Variants in AP4M1 observed in about 807,000 individuals in gnomAD.
The protein encoded by AP4M1 is AP-4 complex subunit mu-1.
A neutral mutation model predicts 62.4 loss-of-function variants in AP4M1; 58 were observed. That is an observed-to-expected ratio of 0.93 (90% confidence interval 0.75 to 1.16). The LOEUF is 1.16. Ranked by LOEUF, AP4M1 falls within the 50% of genes most tolerant of loss-of-function variation. The probability of loss-of-function intolerance (pLI) is 0.00; values close to 1 mark genes in which losing one functional copy is unlikely to be tolerated. For missense variants in AP4M1, 626 were observed against 585.4 expected, an observed-to-expected ratio of 1.07 and a Z score of -0.72; for synonymous variants, 290 against 239.7, an observed-to-expected ratio of 1.21 and a Z score of -1.94.
At chr7:100,104,977 A>AG in intron 8 of AP4M1, 37 bp downstream of exon 8, 5 of 1,612,958 alleles carry the variant, frequency 3.1e-6, no homozygotes, top group Non-Finnish European at 4.2e-6. Flanking sequence ...GGTTGGGGTT[A>AG]GGGCGGGTTC....
Position 100,107,504 on chromosome 7 carries a change from G to A in AP4M1, c.*622G>A. ...CAGGACCAGAGGGAGCAGTGCTGGGGGGTGCGGTGGTGGCGGTGGAGACCA... is the reference window on the plus strand; with the variant it reads ...CAGGACCAGAGGGAGCAGTGCTGGGAGGTGCGGTGGTGGCGGTGGAGACCA... On this transcript the variant is annotated 3_prime_UTR_variant, in exon 15 of 15. Coordinates refer to ENST00000359593, the MANE Select transcript of AP4M1 (RefSeq NM_004722.4). 6.2e-7 allele frequency: 1 copy of A among 1,614,152 alleles called. No individual in the cohort carries two copies.
At chr7:100,103,026 A>G in intron 4 of AP4M1, 66 bp downstream of exon 4, 1 of 1,297,106 alleles carries the variant, frequency 7.7e-7, no homozygotes, top group Non-Finnish European at 1.1e-6. Flanking sequence ...CTGCTCTTCT[A>G]CTGTGGGATG....
upstream of AP4M1, chr7:100,101,268 C>T (rs1236877997): frequency 6.2e-7 from 1 of 1,613,182 alleles, no homozygotes; most frequent in African/African-American, 1.3e-5. Context: ...CCGTACCCTT[C>T]TCTAGCGCGT....
Position 100,104,910 on chromosome 7 carries a change from C to A in AP4M1, c.643C>A (p.Arg215=), listed in dbSNP as rs146445385. 6.2e-7 allele frequency: 1 copy of A among 1,614,166 alleles called. No individual in the cohort carries two copies. The highest frequency in any genetic ancestry group is 1.1e-5 in the South Asian group (1 of 91,068). Residue 215 remains arginine (R), a synonymous_variant, in exon 8 of 15, where the codon CGG becomes AGG. Transcript: ENST00000359593. Reference sequence around the variant, plus strand: ...GAAGGTGGATGTGCAGGGAGAGATTCGGCTCAAGAGCTTCCTTCCTAGCGG... The same window carrying A: ...GAAGGTGGATGTGCAGGGAGAGATTAGGCTCAAGAGCTTCCTTCCTAGCGG... ...LLKVDVQGEI[R]LKSFLPSGSE...
At chr7:100,101,166 C>T, upstream of AP4M1, 2 of 1,510,516 alleles carry the variant, frequency 1.3e-6, no homozygotes, top group Non-Finnish European at 9.1e-7. Context: ...ACCCCAGAAC[C>T]CGCCGACCCC....
At chr7:100,101,221 G>C (rs371254038), upstream of AP4M1, 4 of 1,611,636 alleles carry the variant, frequency 2.5e-6, no homozygotes, top group South Asian at 1.1e-5. Flanking sequence ...TTCCCCGGGA[G>C]GCTCCCCGCG....
upstream of AP4M1, chr7:100,101,438 T>C (rs1476670210): frequency 8.8e-7 from 1 of 1,137,542 alleles, no homozygotes; most frequent in Non-Finnish European, 1.3e-6. Context: ...CGCCACTGCG[T>C]GCGGGCCAAT....
upstream of AP4M1, chr7:100,101,225 C>G: frequency 6.2e-7 from 1 of 1,611,916 alleles, no homozygotes; most frequent in Non-Finnish European, 8.5e-7. Flanking sequence ...CCGGGAGGCT[C>G]CCCGCGCAGG....
At chr7:100,104,823 TC>T in intron 7 of AP4M1, 50 bp from the exon 8 acceptor site, 1 of 1,604,886 alleles carries the variant, frequency 6.2e-7, no homozygotes, top group Non-Finnish European at 8.5e-7. Flanking sequence ...CGAGACCGTC[TC>T]AAAAAAAGAA....
upstream of AP4M1, among the ~76,000 whole-genome samples, chr7:100,101,041 A>G (rs1795990483): frequency 6.6e-6 from 1 of 151,394 alleles, no homozygotes; most frequent in Non-Finnish European, 1.5e-5. Flanking sequence ...CGACCCTAAC[A>G]CCTTTACCAG....
upstream of AP4M1, chr7:100,101,532 G>C: frequency 1.3e-6 from 1 of 792,514 alleles, no homozygotes; most frequent in Non-Finnish European, 2.1e-6. Flanking sequence ...GAGGCGGTGC[G>C]GGCGTCGGAA....
At position 100,107,006 on chromosome 7, in the gene AP4M1, G is replaced by C. The variant is rs146258708; in HGVS notation, c.*124G>C. ...GGGCAGGAAGAGTCCTCAGTCCCAA[G>C]ACCAGGAGGGGGCAATGGGCCCAGC... is the stretch of plus-strand genomic sequence containing the variant. On this transcript the variant is annotated 3_prime_UTR_variant, in exon 15 of 15. Transcript: ENST00000359593. The C allele has an allele frequency of 5.4e-6, 7 of 1,289,466 alleles. No individual in the cohort carries two copies. In the African/African-American group the frequency reaches 7.3e-5, roughly 14 times the overall value. 79.9% of individuals were successfully genotyped at this position (1,289,466 alleles called of 1,614,324 possible). A position where few individuals can be genotyped will look rare whatever the true frequency, so the allele number is the denominator to read the frequency against.
At chr7:100,102,464 C>T (rs1796131330) in intron 2 of AP4M1, 4 of 617,588 alleles carry the variant, frequency 6.5e-6, no homozygotes, top group East Asian at 2.8e-5. Context: ...CAGCTCCCTG[C>T]GTGACTCCAT....
intron 10 of AP4M1, 22 bp downstream of exon 10, chr7:100,105,368 T>G: frequency 6.2e-7 from 1 of 1,613,520 alleles, no homozygotes; most frequent in Non-Finnish European, 8.5e-7. Context: ...GGTGGCCTCA[T>G]AAATTCCGTC....
At chr7:100,103,571 GT>G in intron 5 of AP4M1, 40 bp from the exon 6 acceptor site, 2 of 1,613,960 alleles carry the variant, frequency 1.2e-6, no homozygotes, top group Non-Finnish European at 1.7e-6. Flanking sequence ...GTTGGCTGGG[GT>G]TGTCAGACCT....
chr7:100,108,349 C>T lies in AP4M1; in HGVS notation c.*1467C>T. ...TCCTCTGCTTCCTCCTATTCCTCCTCCCCACCCGGCCACGGACCTGCGTGA... is the reference window on the plus strand; with the variant it reads ...TCCTCTGCTTCCTCCTATTCCTCCTTCCCACCCGGCCACGGACCTGCGTGA... On this transcript the variant is annotated 3_prime_UTR_variant, in exon 15 of 15. Coordinates refer to ENST00000359593, the MANE Select transcript of AP4M1 (RefSeq NM_004722.4). 4 of 1,587,218 alleles carry T rather than the reference C, an allele frequency of 2.5e-6. No homozygotes were observed. The South Asian group carries it at 4.5e-5, about 18-fold the overall frequency.
Position 100,107,630 on chromosome 7 carries a change from A to G in AP4M1, c.*748A>G. The G allele has an allele frequency of 1.2e-6, 2 of 1,609,608 alleles. No individual in the cohort carries two copies. The highest frequency in any genetic ancestry group is 1.3e-5 in the African/African-American group (1 of 74,826). On this transcript the variant is annotated 3_prime_UTR_variant, in exon 15 of 15. Transcript: ENST00000359593. ...AGGTGCTGAGGGACAGGACCTGGATAGAAAGGAAAGGCAGGCCGCTTGCCC... is the reference window on the plus strand; with the variant it reads ...AGGTGCTGAGGGACAGGACCTGGATGGAAAGGAAAGGCAGGCCGCTTGCCC...
rs4134932 is a variant in AP4M1, at chr7:100,106,825, C to T, written c.1305C>T (p.Asn435=). 0.029 allele frequency: 46,096 copies of T among 1,613,992 alleles called. 834 individuals are homozygous for T. Among genetic ancestry groups the T allele is most frequent in the Non-Finnish European group, 0.033 (39,423 of 1,180,034 alleles). ...RLAFRPCGNA[N]PHKWVRHLSH... is the part of the protein sequence containing the mutation. Reference sequence around the variant, plus strand: ...CCTTCAGGCCATGCGGCAATGCCAACCCCCACAAGTGGGTGCGACACCTAA... The same window carrying T: ...CCTTCAGGCCATGCGGCAATGCCAATCCCCACAAGTGGGTGCGACACCTAA... Residue 435 remains asparagine (N), a synonymous_variant, in exon 15 of 15, where the codon AAC becomes AAT. Coordinates refer to ENST00000359593, the MANE Select transcript of AP4M1 (RefSeq NM_004722.4).
Position 100,102,621 on chromosome 7 carries a change from G to A in AP4M1, c.148-54G>A, listed in dbSNP as rs1398351983. 6 of 1,536,004 alleles carry A rather than the reference G, an allele frequency of 3.9e-6. No homozygotes were observed. The African/African-American group carries it at 5.5e-5, about 14-fold the overall frequency. On this transcript the variant is annotated intron_variant, in intron 2 of 14. Coordinates refer to ENST00000359593, the MANE Select transcript of AP4M1 (RefSeq NM_004722.4). ...TCCGAGCTCAGGTCTCCTGGGTTCTGATCACTCCACCTCCCTTTTTTTAAC... is the reference window on the plus strand; with the variant it reads ...TCCGAGCTCAGGTCTCCTGGGTTCTAATCACTCCACCTCCCTTTTTTTAAC...
Sources: allele counts gnomAD v4.1 joint callset (sites outside exome capture counted in the v4.1 genomes callset), GRCh38; gene constraint gnomAD v4.1.1; transcripts MANE v1.5; gene names NCBI Gene and HGNC (gene_info 2026-07-23, HGNC 2026-07-21).